Variants in SNRPN observed in about 807,000 individuals in gnomAD.
SNRPN encodes the protein small nuclear ribonucleoprotein polypeptide N, also known as small nuclear ribonucleoprotein-associated protein N.
SNRPN carries 7 observed loss-of-function variants against 25.2 expected under a neutral mutation model. The observed-to-expected ratio is 0.28, with a 90% CI of 0.16 to 0.52. The LOEUF (loss-of-function observed/expected upper bound fraction) is 0.52, where lower values mean the gene tolerates loss of function less well. Among genes scored for constraint, SNRPN ranks in the 20% least tolerant of loss-of-function variants. SNRPN has a pLI of 0.96. For synonymous variants in SNRPN, 124 were observed against 110.6 expected (o/e 1.12, Z -0.76); for missense variants, 196 against 322.5 (o/e 0.61, Z 3.00).
At chr15:24,927,977 C>A (rs377702928) in intron 3 of SNRPN, among the ~76,000 whole-genome samples, 12 of 152,216 alleles carry the variant, frequency 7.9e-5, no homozygotes, top group East Asian at 5.8e-4. Context: ...TATGGCTAAA[C>A]CATTCTTTCA....
chr15:24,978,157 T>G, intron 8 of SNRPN, 36 bp from the exon 9 acceptor site: 1 of 1,599,196 alleles, frequency 6.3e-7, no homozygotes, highest in South Asian at 1.1e-5. Context: ...CTAAGCCATT[T>G]TATGAGGCCT....
intron 2 of SNRPN, among the ~76,000 whole-genome samples, chr15:24,918,498 G>A (rs12439727): frequency 4.0e-3 from 294 of 73,456 alleles, no homozygotes; most frequent in East Asian, 0.018. Flanking sequence ...ATATATGTGT[G>A]TATATATAAC....
chr15:24,954,831 A>AGTAGCCCCCC, upstream of SNRPN: 1 of 637,024 alleles, frequency 1.6e-6, no homozygotes, highest in East Asian at 2.7e-5. Context: ...CTAGGGGTCC[A>AGTAGCCCCCC]GTAGCCCCCT....
Position 24,867,490 on chromosome 15 carries a change from T to G in SNRPN, c.-579+10774T>G, listed in dbSNP as rs568740461. 6.7e-3 allele frequency among the ~76,000 whole-genome samples: 1,017 copies of G among 152,116 alleles called. 16 individuals carry two copies. Among genetic ancestry groups the G allele is most frequent in the African/African-American group, 0.024 (991 of 41,512 alleles). On this transcript the variant is annotated intron_variant, in intron 1 of 11. Coordinates refer to the SNRPN transcript ENST00000400097. ...CCCTGGTTCACGCCATTCTCCTGCCTCAGCCTCCCGAGTAGCTGGGACTAC... is the reference window on the plus strand; with the variant it reads ...CCCTGGTTCACGCCATTCTCCTGCCGCAGCCTCCCGAGTAGCTGGGACTAC...
chr15:24,872,725 A>G (rs2055286665), intron 1 of SNRPN, among the ~76,000 whole-genome samples: 1 of 98,108 alleles, frequency 1.0e-5, no homozygotes, highest in Non-Finnish European at 2.1e-5. Context: ...CAGCCTGGGC[A>G]ATAAGAGTGA....
chr15:24,975,223 G>T, intron 4 of SNRPN, 135 bp from the exon 5 acceptor site: 1 of 687,832 alleles, frequency 1.5e-6, no homozygotes, highest in Non-Finnish European at 2.5e-6. Context: ...GAAGAATGTT[G>T]GTGAAAAAGG....
chr15:24,855,572 G>C (rs3926484), upstream of SNRPN, among the ~76,000 whole-genome samples: 152,132 of 152,238 alleles, frequency 1, 76,013 homozygotes, highest in Middle Eastern at 1. Flanking sequence ...GGCAGATCAC[G>C]TGAGGTCAGA....
In SNRPN at chr15:24,958,386, C is replaced by CTT. The variant is rs75210247; in HGVS notation, c.-391+3338_-391+3339dup. ...TTAGACCTGTCACTGGTCCTGTCTC[C>CTT]TTTTTTTTTTTTTTTGTGGCCCAGG... On this transcript the variant is annotated intron_variant, in intron 1 of 9. Coordinates refer to ENST00000390687, the MANE Select transcript of SNRPN (RefSeq NM_003097.6). Among the ~76,000 whole-genome samples, 76 of 124,210 alleles carry CTT rather than the reference C, an allele frequency of 6.1e-4. 1 individual carries two copies. The highest frequency in any genetic ancestry group is 1.9e-3 in the African/African-American group (66 of 35,102). 81.5% of individuals were successfully genotyped at this position (124,210 alleles called of 152,430 possible). A position where few individuals can be genotyped will look rare whatever the true frequency, so the allele number is the denominator to read the frequency against.
intron 2 of SNRPN, among the ~76,000 whole-genome samples, chr15:24,902,919 C>G (rs2058560744): frequency 6.6e-6 from 1 of 152,334 alleles, no homozygotes; most frequent in Non-Finnish European, 1.5e-5. Flanking sequence ...ACTGCTGGCT[C>G]CGGTGGCCAG....
chr15:24,967,350 A>G (rs1377195110), intron 2 of SNRPN: 1 of 155,256 alleles, frequency 6.4e-6, no homozygotes, highest in Non-Finnish European at 1.4e-5. Flanking sequence ...CTAAAGAAAG[A>G]TCTTCTTCCC....
intron 1 of SNRPN, among the ~76,000 whole-genome samples, chr15:24,885,614 ATTGTATCATTTC>A (rs2057118239): frequency 6.6e-6 from 1 of 151,990 alleles, no homozygotes; most frequent in Non-Finnish European, 1.5e-5. Context: ...TCTCTGCAAC[ATTGTATCATTTC>A]CCACACCTAA....
intron 1 of SNRPN, among the ~76,000 whole-genome samples, chr15:24,829,517 G>A (rs12899629): frequency 0.82 from 124,096 of 152,030 alleles, 50,908 homozygotes; most frequent in East Asian, 0.96. Context: ...ACCATGCAGG[G>A]ACTGGGCATG....
At chr15:24,909,668 A>G (rs1035739346) in intron 2 of SNRPN, 4 of 1,226,874 alleles carry the variant, frequency 3.3e-6, no homozygotes, top group Non-Finnish European at 3.6e-6. Context: ...TACACGAACT[A>G]TCATCCTGTA....
In SNRPN at chr15:24,918,873, G is replaced by GCA. The variant is rs2059812061; in HGVS notation, c.-504-1138_-504-1137insCA. Among the ~76,000 whole-genome samples the GCA allele has an allele frequency of 1.7e-5, 2 of 118,262 alleles. 1 individual carries two copies. The highest frequency in any genetic ancestry group is 3.3e-5 in the Non-Finnish European group (2 of 59,988). The allele number at this position is 118,262 out of a possible 152,430, so 77.6% of individuals were successfully genotyped here. On this transcript the variant is annotated intron_variant, in intron 2 of 11. Transcript: ENST00000400097. ...CACATATATATAACAATATATATAT[G>GCA]TGCATATATATATAACATAATATAT...
intron 3 of SNRPN, among the ~76,000 whole-genome samples, chr15:24,948,073 C>T (rs539906973): frequency 7.9e-5 from 12 of 151,804 alleles, no homozygotes; most frequent in Non-Finnish European, 1.6e-4. Flanking sequence ...ACAATGTAAT[C>T]GAAAACTCAA....
At chr15:24,894,108 ATG>A (rs954314452) in intron 2 of SNRPN, among the ~76,000 whole-genome samples, 2 of 152,054 alleles carry the variant, frequency 1.3e-5, no homozygotes, top group African/African-American at 4.8e-5. Flanking sequence ...TGCAACCCAC[ATG>A]TCTGTCCAGC....
At chr15:24,921,862 T>G (rs1295205938) in intron 3 of SNRPN, among the ~76,000 whole-genome samples, 1 of 152,042 alleles carries the variant, frequency 6.6e-6, no homozygotes, top group Non-Finnish European at 1.5e-5. Flanking sequence ...TCAGCCACTG[T>G]TCCTCTTTTC....
upstream of SNRPN, among the ~76,000 whole-genome samples, chr15:24,853,538 C>T (rs1463190282): frequency 2.6e-5 from 4 of 152,016 alleles, no homozygotes; most frequent in African/African-American, 4.8e-5. Flanking sequence ...GGACTACAGG[C>T]GCCCGCCACC....
intron 2 of SNRPN, chr15:24,909,112 C>T: frequency 7.4e-7 from 1 of 1,353,830 alleles, no homozygotes. Flanking sequence ...TATACATTTC[C>T]TCCATCATGT....
Sources: allele counts gnomAD v4.1 joint callset (sites outside exome capture counted in the v4.1 genomes callset), GRCh38; gene constraint gnomAD v4.1.1; transcripts MANE v1.5; gene names NCBI Gene and HGNC (gene_info 2026-07-23, HGNC 2026-07-21).